The following CADM2 variants were observed in gnomAD, a reference collection of about 807,000 sequenced individuals.
CADM2 encodes cell adhesion molecule 2.
Under a neutral mutation model 49.8 loss-of-function variants are expected in CADM2, and 12 were observed. The ratio of observed to expected loss-of-function variants is 0.24; its 90% CI spans 0.15 to 0.39. CADM2 has a LOEUF of 0.39. CADM2 is among the 10% of genes least tolerant of loss of function. CADM2 has a pLI of 1.00. For missense variants in CADM2, 378 were observed against 492.3 expected, an observed-to-expected ratio of 0.77 and a Z score of 2.20; for synonymous variants, 214 against 175.4, an observed-to-expected ratio of 1.22 and a Z score of -1.74.
rs35485915 is a variant in CADM2, at chr3:85,427,160, CTATATATA to C, written c.62-299328_62-299321del. On this transcript the variant is annotated intron_variant, in intron 1 of 9. Transcript: ENST00000383699. Reference sequence around the variant, plus strand: ...AACATTACTCACTGATGTATTGGAACTATATATATATATATATATATATATATATATAT... The same window carrying C: ...AACATTACTCACTGATGTATTGGAACTATATATATATATATATATATATAT... Among the ~76,000 whole-genome samples the C allele has an allele frequency of 4.2e-3, 475 of 113,672 alleles. 2 individuals are homozygous for C. Among genetic ancestry groups the C allele is most frequent in the African/African-American group, 0.019 (383 of 20,450 alleles). 74.6% of individuals were successfully genotyped at this position (113,672 alleles called of 152,430 possible).
intron 2 of CADM2, among the ~76,000 whole-genome samples, chr3:85,738,196 TAG>T (rs2068226096): frequency 6.6e-6 from 1 of 152,076 alleles, no homozygotes; most frequent in South Asian, 2.1e-4. Context: ...AGGATTGTGA[TAG>T]CAAATTCAAA....
intron 2 of CADM2, among the ~76,000 whole-genome samples, chr3:85,769,664 A>C (rs1437252487): frequency 7.2e-6 from 1 of 139,540 alleles, no homozygotes; most frequent in Non-Finnish European, 1.6e-5. Flanking sequence ...TATATAGTAT[A>C]TATATACACA....
chr3:85,225,851 GA>G (rs1351240487), intron 1 of CADM2, among the ~76,000 whole-genome samples: 1 of 152,160 alleles, frequency 6.6e-6, no homozygotes, highest in East Asian at 1.9e-4. Context: ...TGCATCTATT[GA>G]GTTAATCATG....
chr3:85,227,253 GAGTCTA>G (rs2042183063), intron 1 of CADM2, among the ~76,000 whole-genome samples: 1 of 152,056 alleles, frequency 6.6e-6, no homozygotes, highest in South Asian at 2.1e-4. Flanking sequence ...TATTGTGTGG[GAGTCTA>G]AGTCTTTTTG....
rs76198610 is a variant in CADM2, at chr3:85,242,910, T to C, written c.61+283242T>C. Among the ~76,000 whole-genome samples, 80 of 151,962 alleles carry C rather than the reference T, an allele frequency of 5.3e-4. 1 individual carries two copies. The East Asian group carries it at 0.013, about 25-fold the overall frequency. ...ACAACACATCAATGATATTTGTTGC[T>C]TTTTTCAAAACAGGACCATAATGTT... On this transcript the variant is annotated intron_variant, in intron 1 of 9. Transcript: ENST00000383699.
intron 1 of CADM2, among the ~76,000 whole-genome samples, chr3:85,629,279 A>G (rs1397008003): frequency 6.6e-6 from 1 of 151,944 alleles, no homozygotes; most frequent in African/African-American, 2.4e-5. Context: ...TACTTCAGAA[A>G]CAGAACACTA....
At chr3:85,836,354 G>A (rs1348839182) in intron 3 of CADM2, among the ~76,000 whole-genome samples, 1 of 151,498 alleles carries the variant, frequency 6.6e-6, no homozygotes, top group Non-Finnish European at 1.5e-5. Flanking sequence ...AAAAAACTGT[G>A]GTCACATATG....
chr3:85,590,264 A>G (rs1432452423), intron 1 of CADM2, among the ~76,000 whole-genome samples: 2 of 152,034 alleles, frequency 1.3e-5, no homozygotes, highest in African/African-American at 4.8e-5. Context: ...TTGACATATG[A>G]CAAAGACTAT....
intron 1 of CADM2, among the ~76,000 whole-genome samples, chr3:85,376,978 CATTTATT>C (rs1418247678): frequency 6.6e-6 from 1 of 152,006 alleles, no homozygotes; most frequent in Non-Finnish European, 1.5e-5. Context: ...AACATTAAAA[CATTTATT>C]AAATTCATCA....
At chr3:85,909,544 A>T (rs1305488211) in intron 5 of CADM2, among the ~76,000 whole-genome samples, 1 of 152,084 alleles carries the variant, frequency 6.6e-6, no homozygotes, top group Non-Finnish European at 1.5e-5. Flanking sequence ...TCCAGTGTCA[A>T]ATGTTTGCAC....
chr3:85,988,011 C>A (rs1022430519), intron 8 of CADM2, among the ~76,000 whole-genome samples: 1 of 152,042 alleles, frequency 6.6e-6, no homozygotes, highest in Non-Finnish European at 1.5e-5. Context: ...CCTGTATAAG[C>A]TTGGTGAAAC....
intron 1 of CADM2, among the ~76,000 whole-genome samples, chr3:85,291,887 G>C (rs569710505): frequency 6.7e-6 from 1 of 150,312 alleles, no homozygotes; most frequent in African/African-American, 2.5e-5. Flanking sequence ...CAACTAACGA[G>C]CAAAATAACC....
chr3:86,013,077 C>T (rs765813012), intron 8 of CADM2: 31 of 1,300,890 alleles, frequency 2.4e-5, no homozygotes, highest in Non-Finnish European at 2.7e-5. Context: ...GACAGTTCTT[C>T]GAGATAATGC....
At chr3:85,414,270 T>C (rs568037547) in intron 1 of CADM2, among the ~76,000 whole-genome samples, 1 of 152,260 alleles carries the variant, frequency 6.6e-6, no homozygotes, top group East Asian at 1.9e-4. Flanking sequence ...AACAAAATCG[T>C]CTTTAACAAA....
intron 1 of CADM2, among the ~76,000 whole-genome samples, chr3:85,085,745 AAAGGCAATATATATAACG>A (rs1350812353): frequency 6.6e-6 from 1 of 152,180 alleles, no homozygotes; most frequent in African/African-American, 2.4e-5. Flanking sequence ...TACACAAAGC[AAAGGCAATATATATAACG>A]AGTTGACCCC....
intron 7 of CADM2, among the ~76,000 whole-genome samples, chr3:85,958,736 A>G (rs1389067721): frequency 6.6e-6 from 1 of 152,006 alleles, no homozygotes; most frequent in Non-Finnish European, 1.5e-5. Context: ...GAGTGAGATC[A>G]TGTCCTTTGC....
rs1466225788 is a variant in CADM2, at chr3:85,609,164, C to T, written c.62-117358C>T. On this transcript the variant is annotated intron_variant, in intron 1 of 9. Coordinates refer to ENST00000383699, the MANE Select transcript of CADM2 (RefSeq NM_001167675.2). The stretch of plus-strand genomic sequence containing the variant: ...GTGAGAGAAGCCCACTCCTGGTGTA[C>T]CAAATATAGGAATTGCTCCAGATTC... 2.6e-5 allele frequency among the ~76,000 whole-genome samples: 4 copies of T among 151,884 alleles called. No homozygotes were observed. The Middle Eastern group carries it at 0.01, about 387-fold the overall frequency.
At chr3:85,745,385 T>A (rs1002352115) in intron 2 of CADM2, among the ~76,000 whole-genome samples, 5 of 152,134 alleles carry the variant, frequency 3.3e-5, no homozygotes, top group African/African-American at 1.2e-4. Context: ...ACCATAAGTG[T>A]TGTTGAACTT....
intron 1 of CADM2, among the ~76,000 whole-genome samples, chr3:85,229,011 C>T (rs1246801507): frequency 3.9e-5 from 6 of 152,108 alleles, no homozygotes; most frequent in Admixed American, 3.9e-4. Flanking sequence ...TCAGAGATAC[C>T]CTGCCCACAG....
Sources: gnomAD v4.1 joint callset for allele counts (sites outside exome capture counted in the v4.1 genomes callset) on GRCh38, gnomAD v4.1.1 for gene constraint, MANE v1.5 for transcripts, NCBI Gene and HGNC (gene_info 2026-07-23, HGNC 2026-07-21) for gene names.